Variants in EMC1 observed in about 807,000 individuals in gnomAD.
EMC1 encodes the protein KIAA0090.
In EMC1, 103 loss-of-function variants were observed where a neutral mutation model predicts 128.8. That is an observed-to-expected ratio of 0.80 (90% CI 0.68 to 0.94). The LOEUF (loss-of-function observed/expected upper bound fraction) is 0.94. EMC1 is among the 40% of genes least tolerant of loss of function. The pLI is 0.00. For missense variants in EMC1, 1,083 were observed against 1,250.6 expected (o/e 0.87, Z 2.02); for synonymous variants, 442 against 490.4 (o/e 0.90, Z 1.30).
At chr1:19,249,685 G>A (rs1035883571) in intron 1 of EMC1, among the ~76,000 whole-genome samples, 5 of 152,140 alleles carry the variant, frequency 3.3e-5, no homozygotes, top group Admixed American at 3.3e-4. Flanking sequence ...AGCACTTTGG[G>A]AGGCCGAGGC....
At position 19,244,940 on chromosome 1, in the gene EMC1, C is replaced by T. The variant is rs775306558; in HGVS notation, c.186G>A (p.Val62=). The part of the protein sequence containing the change: ...KKLVVATEKN[V]IAALNSRTGE... Reference sequence around the variant, plus strand: ...CAGTTCGGGAATTTAATGCTGCAATCACATTCTTCTCTGTGGCTACAACCA... The same window carrying T: ...CAGTTCGGGAATTTAATGCTGCAATTACATTCTTCTCTGTGGCTACAACCA... Residue 62 remains valine, a synonymous_variant, in exon 2 of 23, where the codon GTG becomes GTA. Transcript: ENST00000477853. 10 of 1,613,938 alleles carry T rather than the reference C, an allele frequency of 6.2e-6. No homozygotes were observed. In the South Asian group the frequency reaches 9.9e-5, roughly 16 times the overall value.
In EMC1 at chr1:19,233,037, T is replaced by C; in HGVS notation, c.1531A>G (p.Lys511Glu). 6.2e-7 allele frequency: 1 copy of C among 1,614,232 alleles called. No individual in the cohort carries two copies. Among genetic ancestry groups the C allele is most frequent in the Non-Finnish European group, 8.5e-7 (1 of 1,180,044 alleles). ...TCATTCTTAATCTGACTCCGGGGCTTCCGAGCATCATAAAACATTTTCCAG... is the reference window on the plus strand; with the variant it reads ...TCATTCTTAATCTGACTCCGGGGCTCCCGAGCATCATAAAACATTTTCCAG... ...HLWKMFYDARKPRSQIKNEIN... is the reference protein window; with the variant it reads ...HLWKMFYDAREPRSQIKNEIN... Residue 511 changes from lysine to glutamate, a missense_variant, in exon 14 of 23, where the codon AAG (lysine) becomes GAG (glutamate). This residue lies in a region of EMC1 where 527 missense variants were observed against 644.1 expected (regional missense o/e 0.82). Transcript: ENST00000477853.
At chr1:19,237,791 A>G (rs889469457) in intron 11 of EMC1, among the ~76,000 whole-genome samples, 3 of 152,208 alleles carry the variant, frequency 2.0e-5, no homozygotes, top group Non-Finnish European at 2.9e-5. Context: ...AAATCAATTA[A>G]TGTGTAAGTT....
intron 1 of EMC1, among the ~76,000 whole-genome samples, chr1:19,246,250 C>G (rs567883311): frequency 6.2e-4 from 94 of 152,000 alleles, no homozygotes; most frequent in African/African-American, 2.1e-3. Flanking sequence ...ATTAGCTGGG[C>G]GTGGTGGCAC....
chr1:19,232,076 AC>A (rs2093527212), intron 15 of EMC1, among the ~76,000 whole-genome samples: 1 of 152,170 alleles, frequency 6.6e-6, no homozygotes. Context: ...AGCCTGGCCA[AC>A]ATGGTGAGAC....
At position 19,240,413 on chromosome 1, in the gene EMC1, A is replaced by G; in HGVS notation, c.670T>C (p.Ser224Pro). ...TCATCCACCACACCACAGGCTCCAG[A>G]CAGGTGCTGCAGCCACGGAGTTGAA... The part of the protein sequence containing the change: ...RVSTPWLQHL[S>P]GACGVVDEAV... Residue 224 changes from serine (S) to proline (P), a missense_variant, in exon 7 of 23, where the codon TCT becomes CCT. By Grantham distance (74) the Ser-to-Pro change is moderately conservative. Transcript: ENST00000477853. The G allele has an allele frequency of 6.2e-7, 1 of 1,614,170 alleles. No homozygotes were observed. The highest frequency in any genetic ancestry group is 8.5e-7 in the Non-Finnish European group (1 of 1,180,002).
At position 19,218,096 on chromosome 1, in the gene EMC1, G is replaced by C. The variant is rs2093406213; in HGVS notation, c.*1207C>G. The C allele has an allele frequency of 6.6e-6, 1 of 152,188 alleles. No homozygotes were observed. The highest frequency in any genetic ancestry group is 2.1e-4 in the South Asian group (1 of 4,830). The allele number at this position is 152,188 out of a possible 1,614,324, so 9.4% of individuals were successfully genotyped here. ...AAAGAGGACTTAAACAGTGTCATTT[G>C]TCACTTGCTTTATGCAAACATTCGA... is the stretch of plus-strand genomic sequence containing the variant. On this transcript the variant is annotated 3_prime_UTR_variant, in exon 23 of 23. Transcript: ENST00000477853.
rs1171002164 is a variant in EMC1 at position 19,232,741 on chromosome 1, G to C, written c.1665C>G (p.Ile555Met). The change falls in exon 15 of 23, where the codon ATC (isoleucine) becomes ATG (methionine). Residue 555 changes from isoleucine (I) to methionine (M), a missense_variant. Transcript: ENST00000477853. ...CATTGGGTAGATACTGTTTCCACAG[G>C]ATGGTGCCAGAGCTGCTCTCAATGC... Reference protein sequence around the residue: ...LFGIESSSGTILWKQYLPNVK... With the variant: ...LFGIESSSGTMLWKQYLPNVK... 1 of 1,614,176 alleles carries C rather than the reference G, an allele frequency of 6.2e-7. No individual in the cohort carries two copies.
chr1:19,223,017 C>T (rs536915855), intron 19 of EMC1, 183 bp from the exon 20 acceptor site: 9 of 576,380 alleles, frequency 1.6e-5, no homozygotes, highest in South Asian at 9.5e-5. Context: ...TCTAGGCTAT[C>T]GAAAGTTCAC....
At chr1:19,249,758 C>G (rs1226642805) in intron 1 of EMC1, among the ~76,000 whole-genome samples, 2 of 151,672 alleles carry the variant, frequency 1.3e-5, no homozygotes, top group African/African-American at 2.4e-5. Context: ...AACCCCGTCT[C>G]TACAAAAAAT....
rs756195926 is a variant in EMC1, at chr1:19,239,921, A to G, written c.851T>C (p.Val284Ala). 1.2e-6 allele frequency: 2 copies of G among 1,614,102 alleles called. No individual in the cohort carries two copies. The highest frequency in any genetic ancestry group is 1.7e-6 in the Non-Finnish European group (2 of 1,179,978). The change falls in exon 8 of 23, where the codon GTG becomes GCG. Residue 284 changes from valine (V) to alanine (A), a missense_variant. Around this residue, in one of 3 missense-constraint regions of EMC1, gnomAD observed 544 missense variants for 572.4 expected, o/e 0.95. Coordinates refer to ENST00000477853, the MANE Select transcript of EMC1 (RefSeq NM_015047.3). ...GAAGAACTGGGCCCGGGAAGCGTCC[A>G]CTGGGTTGGGCTGGGTAGGCAGGAC... ...PRVLPTQPNP[V>A]DASRAQFFLH...
Position 19,241,046 on chromosome 1 carries a change from A to C in EMC1, c.606T>G (p.Phe202Leu). Residue 202 changes from phenylalanine (F) to leucine (L), a missense_variant, in exon 6 of 23, where the codon TTT becomes TTG. Phe to Leu is a conservative substitution (Grantham distance 22). This residue lies in a region of EMC1 where 544 missense variants were observed against 572.4 expected (regional missense o/e 0.95). Transcript: ENST00000477853. ...VPFSHVNIVKFNVEDGEIVQQ... is the reference protein window; with the variant it reads ...VPFSHVNIVKLNVEDGEIVQQ... ...GAACAATCTCTCCATCTTCCACATT[A>C]AACTTGACAATGTTCACATGGCTGA... The C allele has an allele frequency of 6.2e-7, 1 of 1,614,186 alleles. No homozygotes were observed. The highest frequency in any genetic ancestry group is 2.2e-5 in the East Asian group (1 of 44,888).
At chr1:19,219,862 G>A in intron 21 of EMC1, 164 bp from the exon 22 acceptor site, 1 of 652,744 alleles carries the variant, frequency 1.5e-6, no homozygotes, top group East Asian at 2.7e-5. Flanking sequence ...CTGAATGTTA[G>A]GAAGGACTAC....
In EMC1 at chr1:19,239,792, T is replaced by C. The variant is rs760216499; in HGVS notation, c.954+26A>G. ...TGTCTTGGAGAGATCTCCTGAATCC[T>C]AGCAAACCATGTTGCCTGCAGTTAC... is the stretch of plus-strand genomic sequence containing the variant. On this transcript the variant is annotated intron_variant, in intron 8 of 22. Transcript: ENST00000477853. 1.5e-5 allele frequency: 24 copies of C among 1,611,528 alleles called. 1 individual carries two copies. Among genetic ancestry groups the C allele is most frequent in the African/African-American group, 1.2e-4 (9 of 74,802 alleles).
At chr1:19,230,223 T>C (rs2093509318) in intron 17 of EMC1, among the ~76,000 whole-genome samples, 1 of 152,216 alleles carries the variant, frequency 6.6e-6, no homozygotes, top group Non-Finnish European at 1.5e-5. Context: ...TCAACCCACA[T>C]TCCTACCTTC....
Position 19,244,176 on chromosome 1 carries a change from G to A in EMC1, c.221-161C>T, listed in dbSNP as rs186208835. 1.6e-4 allele frequency among the ~76,000 whole-genome samples: 24 copies of A among 152,174 alleles called. No homozygotes were observed. In the East Asian group the frequency reaches 4.3e-3, roughly 27 times the overall value. On this transcript the variant is annotated intron_variant, in intron 2 of 22. Coordinates refer to ENST00000477853, the MANE Select transcript of EMC1 (RefSeq NM_015047.3). ...GGCAGTGATCCAGTCCCATTCACGG[G>A]GTAATGAGGGTAGAAGGGGTTAAGA...
At chr1:19,244,254 C>T (rs1558113252) in intron 2 of EMC1, among the ~76,000 whole-genome samples, 1 of 152,130 alleles carries the variant, frequency 6.6e-6, no homozygotes, top group Admixed American at 6.5e-5. Context: ...TATAAACAAA[C>T]AACAATAAGA....
At position 19,223,398 on chromosome 1, in the gene EMC1, C is replaced by T. The variant is rs758769418; in HGVS notation, c.2374G>A (p.Val792Met). The T allele has an allele frequency of 6.2e-7, 1 of 1,613,562 alleles. No homozygotes were observed. Among genetic ancestry groups the T allele is most frequent in the Non-Finnish European group, 8.5e-7 (1 of 1,179,534 alleles). The change falls in exon 19 of 23, where the codon GTG becomes ATG. Residue 792 changes from valine (V) to methionine (M), a missense_variant and splice_region_variant. Coordinates refer to ENST00000477853, the MANE Select transcript of EMC1 (RefSeq NM_015047.3). ...GGTCCCTGGTAGTGACCGCTTACCA[C>T]CACCCAGTTCTCTGAATGCACGATA... ...VHIVHSENWV[V>M]YQYWNTKARR...
intron 1 of EMC1, among the ~76,000 whole-genome samples, chr1:19,249,550 G>A (rs975826623): frequency 7.9e-5 from 12 of 152,276 alleles, no homozygotes; most frequent in Middle Eastern, 3.4e-3. Flanking sequence ...ATGCTACAAC[G>A]TTTGCACAAG....
Sources: allele counts gnomAD v4.1 joint callset (sites outside exome capture counted in the v4.1 genomes callset), GRCh38; gene constraint gnomAD v4.1.1; regional missense constraint gnomAD v4.1.1; transcripts MANE v1.5; gene names NCBI Gene and HGNC (gene_info 2026-07-23, HGNC 2026-07-21).